Variants in LRRTM3 observed in about 807,000 individuals in gnomAD.
LRRTM3 encodes leucine-rich repeat transmembrane neuronal protein 3.
In LRRTM3, 24 loss-of-function variants were observed where a neutral mutation model predicts 44.7. The ratio of observed to expected loss-of-function variants is 0.54; its 90% confidence interval spans 0.39 to 0.76. The LOEUF is 0.76. Ranked by LOEUF, LRRTM3 falls within the 30% of genes least tolerant of loss-of-function variation. The probability of loss-of-function intolerance (pLI) is 0.00; values close to 1 mark genes in which losing one functional copy is unlikely to be tolerated. For synonymous variants in LRRTM3, 277 were observed against 278.7 expected, an observed-to-expected ratio of 0.99 and a Z score of 0.06; for missense variants, 587 against 702.2, an observed-to-expected ratio of 0.84 and a Z score of 1.85.
chr10:66,943,108 A>G lies in LRRTM3; in HGVS notation c.1536+14656A>G, dbSNP rs563445738. ...GGAAATTTACTTCACAAAGCATTGGATTTTCTCAAGAGACAAATTTGATAC... is the reference window on the plus strand; with the variant it reads ...GGAAATTTACTTCACAAAGCATTGGGTTTTCTCAAGAGACAAATTTGATAC... On this transcript the variant is annotated intron_variant, in intron 2 of 2. Transcript: ENST00000361320. 3.9e-5 allele frequency among the ~76,000 whole-genome samples: 6 copies of G among 152,308 alleles called. No homozygotes were observed. The East Asian group carries it at 9.7e-4, about 25-fold the overall frequency.
chr10:67,092,563 A>G (rs1194828818), intron 2 of LRRTM3, among the ~76,000 whole-genome samples: 1 of 152,010 alleles, frequency 6.6e-6, no homozygotes, highest in Non-Finnish European at 1.5e-5. Flanking sequence ...TTGTACAAAT[A>G]TACCTAGATA....
At chr10:66,983,298 G>A (rs1439139707) in intron 2 of LRRTM3, among the ~76,000 whole-genome samples, 2 of 152,080 alleles carry the variant, frequency 1.3e-5, no homozygotes, top group African/African-American at 4.8e-5. Context: ...CAAAGAATCA[G>A]GAGCTGGCAT....
At position 67,079,430 on chromosome 10, in the gene LRRTM3, G is replaced by C. The variant is rs114726785; in HGVS notation, c.1537-18157G>C. 9.5e-3 allele frequency among the ~76,000 whole-genome samples: 1,441 copies of C among 152,240 alleles called. 15 individuals are homozygous for C. The highest frequency in any genetic ancestry group is 0.03 in the African/African-American group (1,265 of 41,548). On this transcript the variant is annotated intron_variant, in intron 2 of 2. Transcript: ENST00000361320. Reference sequence around the variant, plus strand: ...ATCTACATAAAACATTTATTTCTAAGTTTAGAAAACCCCAATAAAGCCAAT... The same window carrying C: ...ATCTACATAAAACATTTATTTCTAACTTTAGAAAACCCCAATAAAGCCAAT...
chr10:66,930,020 C>A (rs1847286300), intron 2 of LRRTM3, among the ~76,000 whole-genome samples: 1 of 152,114 alleles, frequency 6.6e-6, no homozygotes, highest in Non-Finnish European at 1.5e-5. Context: ...AGAATCACTG[C>A]AGCAACAAAG....
intron 2 of LRRTM3, among the ~76,000 whole-genome samples, chr10:67,084,438 G>A (rs1417251984): frequency 6.6e-6 from 1 of 151,788 alleles, no homozygotes; most frequent in Non-Finnish European, 1.5e-5. Context: ...CTGAAGTGGA[G>A]AACCAAATAT....
At chr10:67,013,867 G>A (rs939122327) in intron 2 of LRRTM3, among the ~76,000 whole-genome samples, 1 of 152,234 alleles carries the variant, frequency 6.6e-6, no homozygotes, top group African/African-American at 2.4e-5. Flanking sequence ...TCACAAGGAT[G>A]TAGATTGATC....
chr10:66,959,421 G>A (rs1026149624), intron 2 of LRRTM3, among the ~76,000 whole-genome samples: 2 of 152,116 alleles, frequency 1.3e-5, no homozygotes, highest in Non-Finnish European at 2.9e-5. Flanking sequence ...ATTTTATGAA[G>A]AGGAGTCAGG....
intron 2 of LRRTM3, among the ~76,000 whole-genome samples, chr10:67,064,134 CTTG>C (rs1393891974): frequency 6.6e-6 from 1 of 152,122 alleles, no homozygotes; most frequent in African/African-American, 2.4e-5. Flanking sequence ...AGCCTATCAA[CTTG>C]TTTTTTTCAT....
intron 2 of LRRTM3, among the ~76,000 whole-genome samples, chr10:67,097,227 CTAATAA>C (rs771143474): frequency 6.6e-6 from 1 of 151,678 alleles, no homozygotes; most frequent in Non-Finnish European, 1.5e-5. Context: ...ATAATTAACA[CTAATAA>C]TAATAATAAT....
chr10:67,095,830 C>T (rs990463790), intron 2 of LRRTM3, among the ~76,000 whole-genome samples: 1 of 151,816 alleles, frequency 6.6e-6, no homozygotes, highest in Non-Finnish European at 1.5e-5. Context: ...TTGTTCTCTT[C>T]TATAACTCAA....
intron 2 of LRRTM3, among the ~76,000 whole-genome samples, chr10:67,069,933 A>C (rs2131844248): frequency 1.3e-5 from 2 of 152,264 alleles, no homozygotes; most frequent in South Asian, 4.1e-4. Flanking sequence ...TATATCTAGA[A>C]GTAGAATTAC....
At chr10:66,934,404 A>C (rs758860076) in intron 2 of LRRTM3, among the ~76,000 whole-genome samples, 3 of 152,124 alleles carry the variant, frequency 2.0e-5, no homozygotes, top group Non-Finnish European at 4.4e-5. Context: ...TTTATAAACC[A>C]ACACAATTCA....
At chr10:67,060,786 T>C (rs1210822012) in intron 2 of LRRTM3, among the ~76,000 whole-genome samples, 1 of 152,196 alleles carries the variant, frequency 6.6e-6, no homozygotes, top group Non-Finnish European at 1.5e-5. Flanking sequence ...ACTATGGTCC[T>C]TAAAACTAGG....
intron 2 of LRRTM3, among the ~76,000 whole-genome samples, chr10:67,001,024 C>T (rs1276491031): frequency 6.6e-6 from 1 of 151,880 alleles, no homozygotes; most frequent in Non-Finnish European, 1.5e-5. Context: ...TTAAATAGGC[C>T]AGGTGCAGTG....
intron 2 of LRRTM3, among the ~76,000 whole-genome samples, chr10:67,045,389 AT>A (rs1423457316): frequency 6.6e-6 from 1 of 152,130 alleles, no homozygotes; most frequent in Non-Finnish European, 1.5e-5. Context: ...TTTAAAAAAA[AT>A]TTATTCATTT....
At chr10:67,008,523 A>C (rs1410125527) in intron 2 of LRRTM3, among the ~76,000 whole-genome samples, 1 of 152,082 alleles carries the variant, frequency 6.6e-6, no homozygotes, top group Non-Finnish European at 1.5e-5. Context: ...TAAGAACAAT[A>C]ATGTATTTGT....
At position 67,043,200 on chromosome 10, in the gene LRRTM3, C is replaced by T. The variant is rs1854516221; in HGVS notation, c.1537-54387C>T. ...ATTTCCAACTTTTCTCCCTATAGCT[C>T]ACATACTTGAAGTGTGCCAAGAACA... On this transcript the variant is annotated intron_variant, in intron 2 of 2. Coordinates refer to ENST00000361320, the MANE Select transcript of LRRTM3 (RefSeq NM_178011.5). Among the ~76,000 whole-genome samples, 4 of 148,906 alleles carry T rather than the reference C, an allele frequency of 2.7e-5. No individual in the cohort carries two copies. The Admixed American group carries it at 2.7e-4, about 10-fold the overall frequency.
At chr10:67,092,839 T>C (rs1857737227) in intron 2 of LRRTM3, among the ~76,000 whole-genome samples, 1 of 152,042 alleles carries the variant, frequency 6.6e-6, no homozygotes, top group Non-Finnish European at 1.5e-5. Context: ...ATATCATTGA[T>C]GTCAAGACAC....
At chr10:67,004,069 A>G (rs905749313) in intron 2 of LRRTM3, among the ~76,000 whole-genome samples, 1 of 151,968 alleles carries the variant, frequency 6.6e-6, no homozygotes, top group Non-Finnish European at 1.5e-5. Flanking sequence ...TAACATAAAT[A>G]ACTTACCTGC....
Sources: allele counts gnomAD v4.1 joint callset (sites outside exome capture counted in the v4.1 genomes callset), GRCh38; gene constraint gnomAD v4.1.1; transcripts MANE v1.5; gene names NCBI Gene and HGNC (gene_info 2026-07-23, HGNC 2026-07-21).